SOX13: variants seen among roughly 807,000 people sequenced by gnomAD.
The protein encoded by SOX13 is transcription factor SOX-13.
In SOX13, 28 loss-of-function variants were observed where a neutral mutation model predicts 71.8. The observed-to-expected ratio is 0.39, with a 90% CI of 0.29 to 0.53. The LOEUF (loss-of-function observed/expected upper bound fraction) is 0.53, where lower values mean the gene tolerates loss of function less well. Ranked by LOEUF, SOX13 falls within the 20% of genes least tolerant of loss-of-function variation. The pLI, the probability that SOX13 is intolerant of heterozygous loss-of-function variation, is 0.70. For synonymous variants in SOX13, 309 were observed against 317.8 expected (o/e 0.97, Z 0.29); for missense variants, 627 against 810.3 (o/e 0.77, Z 2.75).
chr1:204,117,735 C>G (rs1386582552), intron 7 of SOX13, 28 bp downstream of exon 7: 2 of 1,491,976 alleles, frequency 1.3e-6, no homozygotes, highest in Non-Finnish European at 1.9e-6. Context: ...GGTTCCACCA[C>G]TGCGGCCAGC....
chr1:204,073,446 C>A lies in SOX13; in HGVS notation c.-267C>A, dbSNP rs1260827341. 6.6e-6 allele frequency: 1 copy of A among 152,004 alleles called. No individual in the cohort carries two copies. Among genetic ancestry groups the A allele is most frequent in the African/African-American group, 2.4e-5 (1 of 41,402 alleles). 9.4% of individuals were successfully genotyped at this position (152,004 alleles called of 1,614,324 possible). On this transcript the variant is annotated 5_prime_UTR_variant, in exon 1 of 14. Transcript: ENST00000367204. This position sits in a 1 kb window ranked among gnomAD's most constrained non-coding sequence, Gnocchi z 6.8. Reference sequence around the variant, plus strand: ...CGGCCTGGCTCGGCGGAGAGGGCGCCGCCCGGCCGGAACCAAGCTCGCCGC... The same window carrying A: ...CGGCCTGGCTCGGCGGAGAGGGCGCAGCCCGGCCGGAACCAAGCTCGCCGC...
chr1:204,097,516 A>G (rs1191213637), intron 1 of SOX13, among the ~76,000 whole-genome samples: 2 of 151,856 alleles, frequency 1.3e-5, no homozygotes, highest in African/African-American at 4.8e-5. Flanking sequence ...ACATGGAGAA[A>G]CCCTGTCTCT....
intron 1 of SOX13, among the ~76,000 whole-genome samples, chr1:204,106,049 G>A (rs1656463882): frequency 6.6e-6 from 1 of 152,210 alleles, no homozygotes; most frequent in Admixed American, 6.5e-5. Context: ...CAAGGAGCAT[G>A]CTGTGTAACA....
At chr1:204,086,984 G>A (rs373734285) in intron 1 of SOX13, among the ~76,000 whole-genome samples, 21 of 151,464 alleles carry the variant, frequency 1.4e-4, no homozygotes, top group East Asian at 5.9e-4. Context: ...GTGCAGTGGC[G>A]CGATCTTGGC....
rs1256348009 is a variant in SOX13, at chr1:204,126,480, C to T, written c.*346C>T. 9 of 304,802 alleles carry T rather than the reference C, an allele frequency of 3.0e-5. No individual in the cohort carries two copies. The highest frequency in any genetic ancestry group is 5.0e-5 in the Non-Finnish European group (8 of 161,196). The allele number at this position is 304,802 out of a possible 1,614,324, so 18.9% of individuals were successfully genotyped here. Reference sequence around the variant, plus strand: ...CTACCGACCTGTCTCCCTGGGGTCACATGCTTTGTTTCCATTCTTGTCCTG... The same window carrying T: ...CTACCGACCTGTCTCCCTGGGGTCATATGCTTTGTTTCCATTCTTGTCCTG... On this transcript the variant is annotated 3_prime_UTR_variant, in exon 14 of 14. Transcript: ENST00000367204.
At position 204,126,189 on chromosome 1, in the gene SOX13, C is replaced by T. The variant is rs1004600288; in HGVS notation, c.*55C>T. 1.4e-5 allele frequency: 22 copies of T among 1,567,186 alleles called. No individual in the cohort carries two copies. Among genetic ancestry groups the T allele is most frequent in the Non-Finnish European group, 1.7e-5 (19 of 1,147,996 alleles). On this transcript the variant is annotated 3_prime_UTR_variant, in exon 14 of 14. Transcript: ENST00000367204. ...CTCTGGGGAAGACCTTGTCCCAACT[C>T]GATGGGCACAGCCAGCCAACCTAAG... is the stretch of plus-strand genomic sequence containing the variant.
At chr1:204,112,556 CTCTGTTGG>C (rs1412618869) in intron 1 of SOX13, among the ~76,000 whole-genome samples, 1 of 152,066 alleles carries the variant, frequency 6.6e-6, no homozygotes, top group Admixed American at 6.6e-5. Context: ...CGCTCTCCAA[CTCTGTTGG>C]GCTCAGAAAC....
chr1:204,107,196 A>T (rs1571583054), intron 1 of SOX13, among the ~76,000 whole-genome samples: 1 of 152,176 alleles, frequency 6.6e-6, no homozygotes, highest in African/African-American at 2.4e-5. Flanking sequence ...GGGTTATTGT[A>T]CCCATTGTAT....
intron 1 of SOX13, among the ~76,000 whole-genome samples, chr1:204,093,084 G>C (rs1472008972): frequency 2.0e-5 from 3 of 152,220 alleles, no homozygotes; most frequent in Admixed American, 6.5e-5. Flanking sequence ...AAGGGTGAGA[G>C]CTGCTGTCCC....
At chr1:204,112,561 T>C (rs1182130409) in intron 1 of SOX13, among the ~76,000 whole-genome samples, 1 of 151,814 alleles carries the variant, frequency 6.6e-6, no homozygotes, top group Non-Finnish European at 1.5e-5. Flanking sequence ...TCCAACTCTG[T>C]TGGGCTCAGA....
At chr1:204,074,185 C>T (rs1268137351) in intron 1 of SOX13, 1 of 152,198 alleles carries the variant, frequency 6.6e-6, no homozygotes, top group Admixed American at 6.5e-5. Context: ...GTGCCTGCGA[C>T]GAGGCGCAGA....
At position 204,116,512 on chromosome 1, in the gene SOX13, C is replaced by T; in HGVS notation, c.424C>T (p.Gln142Ter). Residue 142 changes from glutamine to a stop codon, truncating the protein, a stop_gained, in exon 5 of 14, where the codon CAA becomes TAA. Coordinates refer to ENST00000367204, the MANE Select transcript of SOX13 (RefSeq NM_005686.3). LOFTEE classifies it high-confidence loss of function. ...TCTGTTTCACTGTGGAGCAGGGACC[C>T]AAGAGAGCCTAGCAGAGAAGGAGCT... ...SMEAKDVKGT[Q>*]ESLAEKELQL... 6.2e-7 allele frequency: 1 copy of T among 1,613,782 alleles called. No homozygotes were observed. The highest frequency in any genetic ancestry group is 8.5e-7 in the Non-Finnish European group (1 of 1,179,766).
chr1:204,114,000 C>T (rs1350172701), intron 2 of SOX13, among the ~76,000 whole-genome samples: 1 of 152,220 alleles, frequency 6.6e-6, no homozygotes, highest in East Asian at 1.9e-4. Flanking sequence ...CAGCAACAAT[C>T]CTGTGACAGA....
intron 1 of SOX13, among the ~76,000 whole-genome samples, chr1:204,089,186 G>C (rs1280480998): frequency 6.6e-6 from 1 of 151,622 alleles, no homozygotes; most frequent in Non-Finnish European, 1.5e-5. Flanking sequence ...GATGCATGGG[G>C]GGGTGGGGAA....
chr1:204,113,278 C>A, intron 2 of SOX13, 144 bp downstream of exon 2: 1 of 714,460 alleles, frequency 1.4e-6, no homozygotes, highest in Non-Finnish European at 2.2e-6. Flanking sequence ...TGTAGGGAAG[C>A]AGGGAGGCAC....
intron 6 of SOX13, 144 bp downstream of exon 6, chr1:204,117,334 C>G (rs1656715213): frequency 1.3e-6 from 1 of 761,270 alleles, no homozygotes; most frequent in Admixed American, 2.1e-5. Context: ...AGGGTTATTT[C>G]TATTCTAGCC....
chr1:204,117,939 C>T (rs926542346), intron 7 of SOX13: 13 of 548,906 alleles, frequency 2.4e-5, no homozygotes, highest in Non-Finnish European at 4.3e-5. Context: ...AATGATGTAG[C>T]AATCCAGGTC....
intron 1 of SOX13, among the ~76,000 whole-genome samples, chr1:204,111,807 GTAACTGGGAT>G (rs1656585053): frequency 6.7e-6 from 1 of 148,618 alleles, no homozygotes; most frequent in Non-Finnish European, 1.5e-5. Flanking sequence ...AGCCTCTTGA[GTAACTGGGAT>G]TACAGGCATG....
At position 204,123,023 on chromosome 1, in the gene SOX13, GAC is replaced by G. The variant is rs1656842965; in HGVS notation, c.1134+64_1134+65del. 1.4e-5 allele frequency: 21 copies of G among 1,501,168 alleles called. No homozygotes were observed. The highest frequency in any genetic ancestry group is 1.9e-5 in the Non-Finnish European group (21 of 1,082,566). 93.0% of individuals were successfully genotyped at this position (1,501,168 alleles called of 1,614,324 possible). A position where few individuals can be genotyped will look rare whatever the true frequency, so the allele number is the denominator to read the frequency against. On this transcript the variant is annotated intron_variant, in intron 10 of 13. Transcript: ENST00000367204. This position sits in a 1 kb window ranked among gnomAD's most constrained non-coding sequence, Gnocchi z 5.0. ...CAACAGATGGTGGCCAGGAGTGGAA[GAC>G]ACAGTCTGAGGCCACCAAGAGAGGA... is the stretch of plus-strand genomic sequence containing the variant.
Sources: gnomAD v4.1 joint callset for allele counts (sites outside exome capture counted in the v4.1 genomes callset) on GRCh38, gnomAD v4.1.1 for gene constraint, Gnocchi (gnomAD v3.1) non-coding constraint, MANE v1.5 for transcripts, NCBI Gene and HGNC (gene_info 2026-07-23, HGNC 2026-07-21) for gene names.